Variants in CDIN1 observed in about 807,000 individuals in gnomAD.
CDIN1 encodes CDAN1 interacting nuclease 1.
CDIN1 carries 33 observed loss-of-function variants against 45.3 expected under a neutral mutation model. That is an observed-to-expected ratio of 0.73 (90% CI 0.55 to 0.97). The LOEUF is 0.97. Among genes scored for constraint, CDIN1 ranks in the 50% least tolerant of loss-of-function variants. CDIN1 has a pLI of 0.00. For synonymous variants in CDIN1, 118 were observed against 124.4 expected (o/e 0.95, Z 0.34); for missense variants, 303 against 339.4 (o/e 0.89, Z 0.84).
chr15:36,774,122 T>C (rs2054148008), intron 10 of CDIN1, among the ~76,000 whole-genome samples: 1 of 141,964 alleles, frequency 7.0e-6, no homozygotes, highest in South Asian at 2.2e-4. Context: ...TGCCGGCAAG[T>C]AACTGACAGG....
chr15:36,728,616 G>A (rs1350500090), intron 10 of CDIN1, among the ~76,000 whole-genome samples: 2 of 149,080 alleles, frequency 1.3e-5, no homozygotes, highest in Non-Finnish European at 3.0e-5. Flanking sequence ...GGTAATGAAT[G>A]CTAAAATTAC....
At chr15:36,647,878 C>T (rs1249853348) in intron 3 of CDIN1, among the ~76,000 whole-genome samples, 9 of 142,034 alleles carry the variant, frequency 6.3e-5, no homozygotes, top group Admixed American at 1.5e-4. Context: ...CTCACTCTGT[C>T]GCCCAGGCTG....
intron 1 of CDIN1, among the ~76,000 whole-genome samples, chr15:36,608,766 C>T (rs1272940761): frequency 6.6e-6 from 1 of 151,922 alleles, no homozygotes; most frequent in Non-Finnish European, 1.5e-5. Flanking sequence ...TTGTTCAATA[C>T]ACTATTTTAG....
chr15:36,677,364 A>C (rs1272702210), intron 5 of CDIN1, among the ~76,000 whole-genome samples: 1 of 152,110 alleles, frequency 6.6e-6, no homozygotes, highest in Non-Finnish European at 1.5e-5. Flanking sequence ...ATAAAAGAAA[A>C]GGTTAAGAAT....
intron 5 of CDIN1, among the ~76,000 whole-genome samples, chr15:36,664,768 G>T (rs189473769): frequency 6.6e-6 from 1 of 152,122 alleles, no homozygotes; most frequent in Non-Finnish European, 1.5e-5. Context: ...GGATGGTCTC[G>T]ATCTCCTGAC....
intron 10 of CDIN1, among the ~76,000 whole-genome samples, chr15:36,744,413 G>A (rs1450145072): frequency 6.6e-6 from 1 of 152,164 alleles, no homozygotes; most frequent in Non-Finnish European, 1.5e-5. Flanking sequence ...CCTTTCCAGT[G>A]TACCAAATTC....
intron 10 of CDIN1, among the ~76,000 whole-genome samples, chr15:36,770,851 CT>C (rs2054058701): frequency 6.6e-6 from 1 of 152,216 alleles, no homozygotes; most frequent in East Asian, 1.9e-4. Context: ...TCCCAAACTG[CT>C]GCACATTAGA....
intron 7 of CDIN1, among the ~76,000 whole-genome samples, chr15:36,693,227 C>T (rs1789749113): frequency 6.6e-6 from 1 of 152,050 alleles, no homozygotes; most frequent in South Asian, 2.1e-4. Context: ...TGATGAATAA[C>T]CTTTGAACAG....
Position 36,579,931 on chromosome 15 carries a change from G to A in CDIN1, c.71G>A (p.Ser24Asn), listed in dbSNP as rs780483617. ...CLVSVPPTRQ[S>N]LRKLKQRFPS... is the part of the protein sequence containing the mutation. The stretch of plus-strand genomic sequence containing the variant: ...GTGTCTGTGCCGCCTACCAGGCAGA[G>A]CCTGAGGAAGCTGAAGCAGAGGTTT... The change falls in exon 1 of 11, where the codon AGC becomes AAC. Residue 24 changes from serine (S) to asparagine (N), a missense_variant. Ser to Asn is a conservative substitution (Grantham distance 46). Coordinates refer to ENST00000566621, the MANE Select transcript of CDIN1 (RefSeq NM_001321759.2). 1 of 1,613,876 alleles carries A rather than the reference G, an allele frequency of 6.2e-7. No homozygotes were observed. Among genetic ancestry groups the A allele is most frequent in the Non-Finnish European group, 8.5e-7 (1 of 1,179,852 alleles).
intron 10 of CDIN1, among the ~76,000 whole-genome samples, chr15:36,767,707 C>G (rs772718093): frequency 6.6e-6 from 1 of 152,166 alleles, no homozygotes; most frequent in Non-Finnish European, 1.5e-5. Context: ...CCTGAAATAC[C>G]TTCTCCATGT....
At chr15:36,691,045 C>G (rs2042230154) in intron 5 of CDIN1, 1 of 427,992 alleles carries the variant, frequency 2.3e-6, no homozygotes, top group African/African-American at 2.1e-5. Context: ...GGGTGGAAAA[C>G]TTGTGTGTGT....
rs77730714 is a variant in CDIN1, at chr15:36,723,435, T to A, written c.716+13474T>A. ...GATTAAGAAGGTATTAAAAGTGAAGTCATTGGTTGTGTGCTAATGGCAGGT... is the reference window on the plus strand; with the variant it reads ...GATTAAGAAGGTATTAAAAGTGAAGACATTGGTTGTGTGCTAATGGCAGGT... On this transcript the variant is annotated intron_variant, in intron 10 of 10. Coordinates refer to ENST00000566621, the MANE Select transcript of CDIN1 (RefSeq NM_001321759.2). Among the ~76,000 whole-genome samples the A allele has an allele frequency of 1.8e-3, 278 of 152,302 alleles. 3 individuals are homozygous for A. Among genetic ancestry groups the A allele is most frequent in the African/African-American group, 6.0e-3 (248 of 41,574 alleles).
intron 10 of CDIN1, among the ~76,000 whole-genome samples, chr15:36,765,794 T>C (rs1260259955): frequency 2.0e-5 from 3 of 152,186 alleles, no homozygotes; most frequent in African/African-American, 4.8e-5. Flanking sequence ...GACATAAGCA[T>C]CTACTCATGA....
chr15:36,809,399 G>C lies in CDIN1; in HGVS notation c.*946G>C, dbSNP rs1459251659. 6.6e-6 allele frequency: 1 copy of C among 152,624 alleles called. No homozygotes were observed. The highest frequency in any genetic ancestry group is 2.4e-5 in the African/African-American group (1 of 41,434). The allele number at this position is 152,624 out of a possible 1,614,324, so 9.5% of individuals were successfully genotyped here. On this transcript the variant is annotated 3_prime_UTR_variant, in exon 11 of 11. Coordinates refer to ENST00000566621, the MANE Select transcript of CDIN1 (RefSeq NM_001321759.2). Reference sequence around the variant, plus strand: ...AAACACTCGAGTAAGTTCAGCATTAGAAATGTTTAGCTTTGTATGAACTGA... The same window carrying C: ...AAACACTCGAGTAAGTTCAGCATTACAAATGTTTAGCTTTGTATGAACTGA...
chr15:36,684,205 G>A lies in CDIN1; in HGVS notation c.347-7480G>A, dbSNP rs1595467006. Among the ~76,000 whole-genome samples, 4 of 149,874 alleles carry A rather than the reference G, an allele frequency of 2.7e-5. 1 individual carries two copies. The highest frequency in any genetic ancestry group is 2.7e-4 in the Admixed American group (4 of 15,094). On this transcript the variant is annotated intron_variant, in intron 5 of 10. Transcript: ENST00000566621. ...TTGCCCATTCAGTATGATATTGGCT[G>A]TGGGTTTGTCATAGATAGCTCTTAT...
chr15:36,702,276 T>G (rs960079001), intron 8 of CDIN1, among the ~76,000 whole-genome samples: 2 of 152,168 alleles, frequency 1.3e-5, no homozygotes, highest in African/African-American at 4.8e-5. Flanking sequence ...GGCTCTGTTC[T>G]CCCCTTTCTG....
chr15:36,673,191 G>A (rs79172979), intron 5 of CDIN1, among the ~76,000 whole-genome samples: 5 of 152,134 alleles, frequency 3.3e-5, no homozygotes, highest in Admixed American at 1.3e-4. Flanking sequence ...TTTAGCAGCC[G>A]GGGAGATTTG....
intron 4 of CDIN1, among the ~76,000 whole-genome samples, chr15:36,654,369 T>A (rs2040696622): frequency 6.6e-6 from 1 of 152,186 alleles, no homozygotes; most frequent in Non-Finnish European, 1.5e-5. Flanking sequence ...TTAGTCTACT[T>A]CTTTTAAGGC....
intron 10 of CDIN1, among the ~76,000 whole-genome samples, chr15:36,733,986 G>T (rs750800324): frequency 6.6e-6 from 1 of 152,052 alleles, no homozygotes; most frequent in Non-Finnish European, 1.5e-5. Flanking sequence ...ATTAATAGGG[G>T]TATTGTCTTC....
Sources: gnomAD v4.1 joint callset for allele counts (sites outside exome capture counted in the v4.1 genomes callset) on GRCh38, gnomAD v4.1.1 for gene constraint, MANE v1.5 for transcripts, NCBI Gene and HGNC (gene_info 2026-07-23, HGNC 2026-07-21) for gene names.